ZFP1: variants seen among roughly 807,000 people sequenced by gnomAD.
ZFP1 encodes the protein zinc finger protein 1 homolog.
ZFP1 carries 32 observed loss-of-function variants against 38.5 expected under a neutral mutation model. That is an observed-to-expected ratio of 0.83 (90% CI 0.63 to 1.12). The LOEUF (loss-of-function observed/expected upper bound fraction) is 1.12. Ranked by LOEUF, ZFP1 falls within the 50% of genes most tolerant of loss-of-function variation. ZFP1 has a pLI of 0.00. For missense variants in ZFP1, 616 were observed against 480.8 expected (o/e 1.28, Z -2.63); for synonymous variants, 245 against 168.8 (o/e 1.45, Z -3.50).
chr16:75,157,327 C>G (rs2037520996), intron 2 of ZFP1: 1 of 139,916 alleles, frequency 7.1e-6, no homozygotes, highest in African/African-American at 2.6e-5. Context: ...TCACTGCAAT[C>G]TCTACCACAG....
the ZFP1 span, among the ~76,000 whole-genome samples, chr16:75,123,103 C>G: frequency 2.0e-5 from 3 of 151,796 alleles, no homozygotes; most frequent in East Asian, 5.8e-4. Context: ...CCTGTAATCC[C>G]AGCACTTGGG....
At position 75,171,472 on chromosome 16, in the gene ZFP1, T is replaced by G. The variant is rs947980828; in HGVS notation, c.*1138T>G. On this transcript the variant is annotated 3_prime_UTR_variant, in exon 4 of 4. Transcript: ENST00000570010. The stretch of plus-strand genomic sequence containing the variant: ...TTTGCTGTTGCCAACCTAAAACATT[T>G]CCCTTTGGAACATGAGTTATAAGTT... 1.3e-5 allele frequency: 2 copies of G among 152,248 alleles called. No homozygotes were observed. The highest frequency in any genetic ancestry group is 2.9e-5 in the Non-Finnish European group (2 of 68,050). The allele number at this position is 152,248 out of a possible 1,614,324, so 9.4% of individuals were successfully genotyped here. A position where few individuals can be genotyped will look rare whatever the true frequency, so the allele number is the denominator to read the frequency against.
At chr16:75,128,606 C>T in the ZFP1 span, among the ~76,000 whole-genome samples, 2 of 152,106 alleles carry the variant, frequency 1.3e-5, no homozygotes, top group African/African-American at 2.4e-5. Flanking sequence ...TTCTTGGCAA[C>T]GTGTCTTCAA....
intron 1 of ZFP1, among the ~76,000 whole-genome samples, chr16:75,152,107 CTT>C (rs2037233394): frequency 6.6e-6 from 1 of 151,992 alleles, no homozygotes; most frequent in Non-Finnish European, 1.5e-5. Context: ...TATAATATGT[CTT>C]TTTTCCTCTG....
chr16:75,163,358 G>A (rs902176749), intron 2 of ZFP1, among the ~76,000 whole-genome samples: 1 of 151,844 alleles, frequency 6.6e-6, no homozygotes, highest in Non-Finnish European at 1.5e-5. Context: ...AGGCTAGAGT[G>A]TAGTAGTGTA....
the ZFP1 span, among the ~76,000 whole-genome samples, chr16:75,122,944 C>A: frequency 1.1e-4 from 16 of 152,078 alleles, no homozygotes; most frequent in East Asian, 2.9e-3. Context: ...TATAAATAAT[C>A]TAGGTAAGTA....
the ZFP1 span, among the ~76,000 whole-genome samples, chr16:75,140,853 G>T: frequency 1.3e-5 from 2 of 152,086 alleles, no homozygotes; most frequent in Non-Finnish European, 2.9e-5. Context: ...CAGCTACTCG[G>T]AAGGCTGAGG....
At chr16:75,149,681 C>T (rs2017466709) in intron 1 of ZFP1, among the ~76,000 whole-genome samples, 1 of 151,784 alleles carries the variant, frequency 6.6e-6, no homozygotes. Context: ...GCCTCAGCCT[C>T]CCGAGTAGCT....
chr16:75,171,829 G>A lies in ZFP1; in HGVS notation c.*1495G>A, dbSNP rs1338662357. 1 of 152,114 alleles carries A rather than the reference G, an allele frequency of 6.6e-6. No homozygotes were observed. Among genetic ancestry groups the A allele is most frequent in the East Asian group, 1.9e-4 (1 of 5,196 alleles). The allele number at this position is 152,114 out of a possible 1,614,324, so 9.4% of individuals were successfully genotyped here. On this transcript the variant is annotated 3_prime_UTR_variant, in exon 4 of 4. Coordinates refer to ENST00000570010, the MANE Select transcript of ZFP1 (RefSeq NM_153688.4). ...TCATCTTACTTACTCACAAAGGAGG[G>A]GAAAACGTTATTTTCATAGCTGCTT...
chr16:75,137,427 C>T, the ZFP1 span, among the ~76,000 whole-genome samples: 1 of 145,796 alleles, frequency 6.9e-6, no homozygotes, highest in East Asian at 2.0e-4. Context: ...GCATGGTCAA[C>T]AGGGAGAGAG....
chr16:75,119,962 C>T, the ZFP1 span, among the ~76,000 whole-genome samples: 17 of 152,132 alleles, frequency 1.1e-4, no homozygotes, highest in East Asian at 3.1e-3. Flanking sequence ...AGTTACACAA[C>T]GAGGCCACCT....
the ZFP1 span, among the ~76,000 whole-genome samples, chr16:75,120,462 G>A: frequency 1.1e-4 from 16 of 151,370 alleles, 1 homozygote; most frequent in African/African-American, 2.2e-4. Flanking sequence ...AGTTCGTCTC[G>A]TCTCTTCAAC....
intron 1 of ZFP1, among the ~76,000 whole-genome samples, chr16:75,150,634 T>A (rs962627090): frequency 1.3e-5 from 2 of 152,172 alleles, no homozygotes; most frequent in Admixed American, 6.5e-5. Flanking sequence ...TATTTTTGTT[T>A]CATTTTGTTT....
intron 2 of ZFP1, among the ~76,000 whole-genome samples, chr16:75,163,110 T>TGTTGGCCAG (rs1329391121): frequency 6.6e-6 from 1 of 151,040 alleles, no homozygotes; most frequent in Non-Finnish European, 1.5e-5. Flanking sequence ...GGGTTCGCCA[T>TGTTGGCCAG]GTTGGCCAGG....
At chr16:75,120,424 T>A in the ZFP1 span, among the ~76,000 whole-genome samples, 1 of 152,162 alleles carries the variant, frequency 6.6e-6, no homozygotes, top group Non-Finnish European at 1.5e-5. Flanking sequence ...TGTTTTTTCT[T>A]ATGCAATCCC....
chr16:75,130,084 C>A, the ZFP1 span, among the ~76,000 whole-genome samples: 1 of 152,128 alleles, frequency 6.6e-6, no homozygotes, highest in South Asian at 2.1e-4. Flanking sequence ...GCAACCTCCA[C>A]CTCCTGGGTT....
upstream of ZFP1, among the ~76,000 whole-genome samples, chr16:75,145,605 C>A (rs1364786197): frequency 6.6e-6 from 1 of 152,180 alleles, no homozygotes; most frequent in African/African-American, 2.4e-5. Flanking sequence ...GGCAGAGCTG[C>A]AGAGCAAGGT....
the ZFP1 span, among the ~76,000 whole-genome samples, chr16:75,132,930 A>G: frequency 6.8e-6 from 1 of 147,254 alleles, no homozygotes; most frequent in African/African-American, 2.5e-5. Flanking sequence ...AAAGTGCTTG[A>G]TTACAGGCAT....
the ZFP1 span, among the ~76,000 whole-genome samples, chr16:75,123,470 TATATATATATATATATA>T: frequency 8.9e-6 from 1 of 112,398 alleles, no homozygotes; most frequent in Non-Finnish European, 1.8e-5. Flanking sequence ...TATATATATA[TATATATATATATATATA>T]TATATATATA....
Sources: allele counts gnomAD v4.1 joint callset (sites outside exome capture counted in the v4.1 genomes callset), GRCh38; gene constraint gnomAD v4.1.1; transcripts MANE v1.5; gene names NCBI Gene and HGNC (gene_info 2026-07-23, HGNC 2026-07-21).